RBMS3: variants seen among roughly 807,000 people sequenced by gnomAD.
RBMS3 encodes RNA binding motif single stranded interacting protein 3.
Under a neutral mutation model 66.8 loss-of-function variants are expected in RBMS3, and 27 were observed. The observed-to-expected ratio is 0.40, with a 90% CI of 0.30 to 0.56. RBMS3 has a LOEUF of 0.56. Among genes scored for constraint, RBMS3 ranks in the 20% least tolerant of loss-of-function variants. The pLI is 0.40. For missense variants in RBMS3, 513 were observed against 549.5 expected (o/e 0.93, Z 0.66); for synonymous variants, 188 against 183.0 (o/e 1.03, Z -0.22).
intron 1 of RBMS3, among the ~76,000 whole-genome samples, chr3:29,406,342 A>C (rs1012789502): frequency 1.7e-4 from 26 of 152,196 alleles, no homozygotes; most frequent in Non-Finnish European, 2.2e-4. Flanking sequence ...ATTTTTAGTG[A>C]TTTTTAAGGA....
rs56162153 is a variant in RBMS3 at position 29,326,733 on chromosome 3, C to CT, written c.75+44992dup. 6.4e-3 allele frequency among the ~76,000 whole-genome samples: 849 copies of CT among 133,680 alleles called. 6 individuals carry two copies. Among genetic ancestry groups the CT allele is most frequent in the African/African-American group, 0.018 (646 of 36,248 alleles). The allele number at this position is 133,680 out of a possible 152,430, so 87.7% of individuals were successfully genotyped here. ...ATGCTTCAGTCTTACTACTGGCATCCTTTTTTTTTTTTTTTCGAGACAGAG... is the reference window on the plus strand; with the variant it reads ...ATGCTTCAGTCTTACTACTGGCATCCTTTTTTTTTTTTTTTTCGAGACAGAG... On this transcript the variant is annotated intron_variant, in intron 1 of 14. Coordinates refer to ENST00000383767, the MANE Select transcript of RBMS3 (RefSeq NM_001003793.3).
intron 1 of RBMS3, among the ~76,000 whole-genome samples, chr3:29,319,171 G>A (rs1479888619): frequency 6.6e-6 from 1 of 151,936 alleles, no homozygotes. Flanking sequence ...GGGACAAAGT[G>A]ACATAAGGAA....
At chr3:29,648,610 G>A (rs377194121) in intron 4 of RBMS3, among the ~76,000 whole-genome samples, 5 of 151,876 alleles carry the variant, frequency 3.3e-5, no homozygotes, top group South Asian at 4.2e-4. Context: ...ATGAACTCAC[G>A]GCTTATGTGA....
At chr3:29,430,778 C>CTATGCAATGGGAAAAACTGCTT (rs6147748) in intron 1 of RBMS3, among the ~76,000 whole-genome samples, 70,087 of 151,772 alleles carry the variant, frequency 0.46, 16,527 homozygotes, top group East Asian at 0.61. Context: ...GTTTTAAAGG[C>CTATGCAATGGGAAAAACTGCTT]TAAACAAAGT....
At chr3:29,837,776 T>A (rs908126486) in intron 6 of RBMS3, among the ~76,000 whole-genome samples, 1 of 147,062 alleles carries the variant, frequency 6.8e-6, no homozygotes, top group Non-Finnish European at 1.5e-5. Flanking sequence ...GCCTTAATGA[T>A]CATGTGTTCT....
intron 6 of RBMS3, among the ~76,000 whole-genome samples, chr3:29,773,837 T>G (rs1384815151): frequency 6.6e-6 from 1 of 152,102 alleles, no homozygotes; most frequent in Non-Finnish European, 1.5e-5. Flanking sequence ...GAATACCCTG[T>G]GTATGATGTA....
intron 4 of RBMS3, among the ~76,000 whole-genome samples, chr3:29,673,169 G>A (rs1443614654): frequency 6.6e-6 from 1 of 152,144 alleles, no homozygotes; most frequent in East Asian, 1.9e-4. Context: ...ACGAAATGAA[G>A]GCAGAAATAA....
intron 6 of RBMS3, among the ~76,000 whole-genome samples, chr3:29,814,801 T>A (rs1274072178): frequency 1.3e-5 from 2 of 152,142 alleles, no homozygotes; most frequent in Non-Finnish European, 2.9e-5. Context: ...TTAAAAAAAA[T>A]TGGTATCTCA....
chr3:29,718,516 A>G (rs2053503156), intron 4 of RBMS3, among the ~76,000 whole-genome samples: 1 of 151,770 alleles, frequency 6.6e-6, no homozygotes, highest in Non-Finnish European at 1.5e-5. Flanking sequence ...TCTGCTGGAA[A>G]CTCTGAGGAA....
In RBMS3 at chr3:29,898,853, A is replaced by G. The variant is rs548983654; in HGVS notation, c.889-852A>G. ...TGTAGAGCACTTTGGTGACATGAAT[A>G]AAATATTCACTGAAGAGTGATTTTA... On this transcript the variant is annotated intron_variant, in intron 9 of 14. Coordinates refer to ENST00000383767, the MANE Select transcript of RBMS3 (RefSeq NM_001003793.3). 4.1e-4 allele frequency among the ~76,000 whole-genome samples: 62 copies of G among 151,648 alleles called. No homozygotes were observed. In the South Asian group the frequency reaches 6.0e-3, roughly 15 times the overall value.
chr3:29,491,945 A>C (rs1202808644), intron 3 of RBMS3, among the ~76,000 whole-genome samples: 1 of 151,974 alleles, frequency 6.6e-6, no homozygotes, highest in Non-Finnish European at 1.5e-5. Context: ...GTGAGCTGAG[A>C]TCGTGCCACT....
At chr3:29,587,060 G>C in intron 3 of RBMS3, 54 bp from the exon 4 acceptor site, 1 of 1,364,146 alleles carries the variant, frequency 7.3e-7, no homozygotes, top group South Asian at 1.2e-5. Context: ...CATCAGTGAA[G>C]ATAGAGATTC....
chr3:29,795,374 A>G (rs2057148873), intron 6 of RBMS3, among the ~76,000 whole-genome samples: 2 of 152,196 alleles, frequency 1.3e-5, no homozygotes, highest in Admixed American at 6.5e-5. Flanking sequence ...TTTAAAATGT[A>G]TCTTTGCATT....
At chr3:29,735,123 G>A (rs1033819139) in intron 4 of RBMS3, among the ~76,000 whole-genome samples, 4 of 152,050 alleles carry the variant, frequency 2.6e-5, no homozygotes, top group Admixed American at 1.3e-4. Context: ...AAACCCAGAC[G>A]TAACCTTTGA....
At chr3:29,838,879 C>G (rs1020180895) in intron 6 of RBMS3, among the ~76,000 whole-genome samples, 1 of 152,048 alleles carries the variant, frequency 6.6e-6, no homozygotes, top group African/African-American at 2.4e-5. Context: ...GATTGGGTCA[C>G]CGTTAGGTAG....
At chr3:29,307,455 A>C (rs1006418220) in intron 1 of RBMS3, among the ~76,000 whole-genome samples, 1 of 151,898 alleles carries the variant, frequency 6.6e-6, no homozygotes, top group Non-Finnish European at 1.5e-5. Flanking sequence ...CCAGCTATAC[A>C]TAGTGGTCTG....
At chr3:29,835,774 T>G (rs1309410388) in intron 6 of RBMS3, among the ~76,000 whole-genome samples, 1 of 150,502 alleles carries the variant, frequency 6.6e-6, no homozygotes, top group Admixed American at 6.6e-5. Flanking sequence ...ATAATAAAGA[T>G]CAAGGAAGAA....
At chr3:29,325,630 GTA>G (rs1450537400) in intron 1 of RBMS3, among the ~76,000 whole-genome samples, 2 of 112,646 alleles carry the variant, frequency 1.8e-5, no homozygotes, top group African/African-American at 3.7e-5. Flanking sequence ...ATATATGTAT[GTA>G]TATATATACA....
In RBMS3 at chr3:29,996,953, C is replaced by T. The variant is rs559898688; in HGVS notation, c.1307+5744C>T. 4.3e-3 allele frequency among the ~76,000 whole-genome samples: 648 copies of T among 151,954 alleles called. 4 individuals carry two copies. Among genetic ancestry groups the T allele is most frequent in the African/African-American group, 0.015 (610 of 41,398 alleles). Reference sequence around the variant, plus strand: ...TGAGGGAAATAGAGACACAAAAAACCCTTCAAAAAATTAATGAATCCAGGA... The same window carrying T: ...TGAGGGAAATAGAGACACAAAAAACTCTTCAAAAAATTAATGAATCCAGGA... On this transcript the variant is annotated intron_variant, in intron 14 of 14. Transcript: ENST00000383767.
Sources: allele counts gnomAD v4.1 joint callset (sites outside exome capture counted in the v4.1 genomes callset), GRCh38; gene constraint gnomAD v4.1.1; transcripts MANE v1.5; gene names NCBI Gene and HGNC (gene_info 2026-07-23, HGNC 2026-07-21).